The following HDAC9 variants were observed in gnomAD, a reference collection of about 807,000 sequenced individuals.
HDAC9 encodes MEF-2 interacting transcription repressor (MITR) protein.
A neutral mutation model predicts 139.4 loss-of-function variants in HDAC9; 41 were observed. The ratio of observed to expected loss-of-function variants is 0.29; its 90% CI spans 0.23 to 0.38. The LOEUF is 0.38. HDAC9 is among the 10% of genes least tolerant of loss of function. The pLI, the probability that HDAC9 is intolerant of heterozygous loss-of-function variation, is 1.00. For synonymous variants in HDAC9, 517 were observed against 476.2 expected (o/e 1.09, Z -1.12); for missense variants, 1,147 against 1,297.0 (o/e 0.88, Z 1.78).
intron 2 of HDAC9, among the ~76,000 whole-genome samples, chr7:18,163,611 C>G (rs891765284): frequency 1.7e-4 from 26 of 152,140 alleles, no homozygotes; most frequent in African/African-American, 5.5e-4. Context: ...TTTCTCACCC[C>G]ATCCCCTACC....
intron 1 of HDAC9, among the ~76,000 whole-genome samples, chr7:18,103,514 C>A (rs372281102): frequency 2.6e-5 from 4 of 152,058 alleles, no homozygotes; most frequent in Non-Finnish European, 5.9e-5. Flanking sequence ...TTGGAGTCCC[C>A]GGTGCCTATT....
At chr7:18,928,810 T>TG (rs1804464296) in intron 22 of HDAC9, among the ~76,000 whole-genome samples, 1 of 150,414 alleles carries the variant, frequency 6.6e-6, no homozygotes, top group Non-Finnish European at 1.5e-5. Flanking sequence ...TATAATTATT[T>TG]GATGATGATC....
At chr7:18,705,017 A>G (rs1287012298) in intron 12 of HDAC9, among the ~76,000 whole-genome samples, 2 of 152,228 alleles carry the variant, frequency 1.3e-5, no homozygotes, top group Non-Finnish European at 2.9e-5. Context: ...TCAATTAAAA[A>G]TAAAGAGACA....
intron 8 of HDAC9, among the ~76,000 whole-genome samples, chr7:18,636,746 G>A (rs1784016554): frequency 6.6e-6 from 1 of 152,060 alleles, no homozygotes; most frequent in South Asian, 2.1e-4. Flanking sequence ...TTTGCAGCCA[G>A]AGACATAAGT....
intron 1 of HDAC9, among the ~76,000 whole-genome samples, chr7:18,102,516 G>A (rs1782916986): frequency 1.3e-5 from 2 of 152,146 alleles, no homozygotes; most frequent in Non-Finnish European, 2.9e-5. Flanking sequence ...GGTTAGGCCA[G>A]ATTTATATTC....
chr7:18,872,472 A>G lies in HDAC9; in HGVS notation c.2685-2006A>G, dbSNP rs538514521. 6.6e-5 allele frequency among the ~76,000 whole-genome samples: 10 copies of G among 152,304 alleles called. No individual in the cohort carries two copies. In the South Asian group the frequency reaches 1.2e-3, roughly 19 times the overall value. ...AAAATATTTGCATTCATCATATTTAAGAAAAGGGCACTATAAAGGTGAATG... is the reference window on the plus strand; with the variant it reads ...AAAATATTTGCATTCATCATATTTAGGAAAAGGGCACTATAAAGGTGAATG... On this transcript the variant is annotated intron_variant, in intron 21 of 25. Coordinates refer to ENST00000686413, the MANE Select transcript of HDAC9 (RefSeq NM_178425.4).
chr7:18,702,744 G>A (rs1705865793), intron 12 of HDAC9, among the ~76,000 whole-genome samples: 1 of 152,182 alleles, frequency 6.6e-6, no homozygotes, highest in South Asian at 2.1e-4. Flanking sequence ...GGAACAATTA[G>A]AATTACCATT....
At chr7:18,107,366 A>G (rs981905322) in intron 1 of HDAC9, among the ~76,000 whole-genome samples, 1 of 152,348 alleles carries the variant, frequency 6.6e-6, no homozygotes, top group African/African-American at 2.4e-5. Context: ...TGAACAAATG[A>G]TTAGACATCC....
chr7:18,273,539 A>G (rs1040752135), intron 2 of HDAC9, among the ~76,000 whole-genome samples: 10 of 152,204 alleles, frequency 6.6e-5, no homozygotes, highest in Admixed American at 3.9e-4. Context: ...CAAAAGTTTG[A>G]AATTGTATCT....
intron 25 of HDAC9, among the ~76,000 whole-genome samples, chr7:18,983,589 T>G (rs766398169): frequency 3.9e-5 from 6 of 152,180 alleles, no homozygotes. Context: ...TTTTTTTGGA[T>G]AGATAGCTAA....
chr7:18,112,186 T>C (rs1192952421), intron 1 of HDAC9, among the ~76,000 whole-genome samples: 2 of 152,350 alleles, frequency 1.3e-5, no homozygotes, highest in South Asian at 2.1e-4. Flanking sequence ...AATGGTGTAC[T>C]ACCGCACATT....
intron 1 of HDAC9, among the ~76,000 whole-genome samples, chr7:18,378,063 C>T (rs1785132627): frequency 6.6e-6 from 1 of 151,992 alleles, no homozygotes. Flanking sequence ...AATTAGTTAG[C>T]AAAATGAAGT....
intron 12 of HDAC9, among the ~76,000 whole-genome samples, chr7:18,677,032 A>C (rs1484858157): frequency 6.6e-6 from 1 of 151,932 alleles, no homozygotes; most frequent in Non-Finnish European, 1.5e-5. Flanking sequence ...ATATACATAG[A>C]GTTTAATAAA....
chr7:18,442,459 G>A (rs1242924150), intron 1 of HDAC9, among the ~76,000 whole-genome samples: 1 of 152,140 alleles, frequency 6.6e-6, no homozygotes, highest in African/African-American at 2.4e-5. Flanking sequence ...TCCACTCCAT[G>A]CTATCATGGT....
intron 12 of HDAC9, among the ~76,000 whole-genome samples, chr7:18,675,314 A>G (rs1781431591): frequency 6.6e-6 from 1 of 151,886 alleles, no homozygotes; most frequent in Non-Finnish European, 1.5e-5. Flanking sequence ...AGGAGTTGCA[A>G]CTCCAACTTC....
intron 1 of HDAC9, among the ~76,000 whole-genome samples, chr7:18,421,710 A>G (rs1402118802): frequency 6.6e-6 from 1 of 152,134 alleles, no homozygotes; most frequent in Non-Finnish European, 1.5e-5. Flanking sequence ...GAGTGAGTTT[A>G]CCTCACAAGT....
chr7:18,624,125 C>T (rs761852835), intron 6 of HDAC9, among the ~76,000 whole-genome samples: 2 of 152,162 alleles, frequency 1.3e-5, no homozygotes. Flanking sequence ...GGCAGTGTCA[C>T]TCACTGTACC....
chr7:18,190,920 A>G (rs1790309514), intron 2 of HDAC9, among the ~76,000 whole-genome samples: 1 of 152,120 alleles, frequency 6.6e-6, no homozygotes, highest in East Asian at 1.9e-4. Context: ...TATCTCATGG[A>G]TTTCACCCAC....
At chr7:18,962,970 T>C (rs1020918623) in intron 24 of HDAC9, among the ~76,000 whole-genome samples, 4 of 152,154 alleles carry the variant, frequency 2.6e-5, no homozygotes, top group African/African-American at 4.8e-5. Context: ...TTGTTTCGAT[T>C]AAAGGATCTA....
Sources: allele counts gnomAD v4.1 joint callset (sites outside exome capture counted in the v4.1 genomes callset), GRCh38; gene constraint gnomAD v4.1.1; transcripts MANE v1.5; gene names NCBI Gene and HGNC (gene_info 2026-07-23, HGNC 2026-07-21).